The following FHAD1 variants were observed in gnomAD, a reference collection of about 807,000 sequenced individuals.
FHAD1 encodes forkhead associated phosphopeptide binding domain 1.
A neutral mutation model predicts 191.3 loss-of-function variants in FHAD1; 146 were observed. The ratio of observed to expected loss-of-function variants is 0.76; its 90% CI spans 0.67 to 0.88. FHAD1 has a LOEUF of 0.88. Among genes scored for constraint, FHAD1 ranks in the 40% least tolerant of loss-of-function variants. The probability of loss-of-function intolerance (pLI) is 0.00; values close to 1 mark genes in which losing one functional copy is unlikely to be tolerated. For synonymous variants in FHAD1, 616 were observed against 672.3 expected, an observed-to-expected ratio of 0.92 and a Z score of 1.29; for missense variants, 1,635 against 1,785.8, an observed-to-expected ratio of 0.92 and a Z score of 1.52.
chr1:15,299,622 G>A (rs978285736), intron 5 of FHAD1, among the ~76,000 whole-genome samples: 2 of 152,196 alleles, frequency 1.3e-5, no homozygotes, highest in Non-Finnish European at 2.9e-5. Flanking sequence ...GGAAGGGTCA[G>A]GGGTGCTCCC....
At chr1:15,344,100 CCAGA>C (rs1687897168) in intron 16 of FHAD1, among the ~76,000 whole-genome samples, 1 of 145,338 alleles carries the variant, frequency 6.9e-6, no homozygotes, top group South Asian at 2.1e-4. Context: ...CAGGTCCCTG[CCAGA>C]CAGACTGTGA....
intron 10 of FHAD1, 43 bp from the exon 11 acceptor site, chr1:15,324,409 T>G (rs546478660): frequency 2.1e-6 from 3 of 1,436,588 alleles, no homozygotes; most frequent in African/African-American, 1.4e-5. Flanking sequence ...GAGTGCATTA[T>G]GATCACATTA....
At position 15,381,135 on chromosome 1, in the gene FHAD1, A is replaced by C. The variant is rs1397469082; in HGVS notation, c.3802-96A>C. ...GCATGTGCGTGTTCTCTGCAATTGC[A>C]GAAAGTGAATGAAACAGAATTAGAC... On this transcript the variant is annotated intron_variant, in intron 29 of 33. Transcript: ENST00000688493. The surrounding 1 kb of genome is among the most constrained non-coding windows in gnomAD (Gnocchi z 4.6). The C allele has an allele frequency of 1.2e-6, 1 of 820,848 alleles. No homozygotes were observed. The highest frequency in any genetic ancestry group is 1.7e-5 in the African/African-American group (1 of 57,878). The allele number at this position is 820,848 out of a possible 1,614,324, so 50.8% of individuals were successfully genotyped here.
chr1:15,365,045 G>A (rs917477783), intron 23 of FHAD1, among the ~76,000 whole-genome samples: 1 of 152,196 alleles, frequency 6.6e-6, no homozygotes, highest in Non-Finnish European at 1.5e-5. Flanking sequence ...CTGGCTCCCA[G>A]AAGAACACCA....
intron 14 of FHAD1, among the ~76,000 whole-genome samples, chr1:15,333,752 C>T (rs1169354851): frequency 2.0e-5 from 3 of 151,218 alleles, no homozygotes; most frequent in Non-Finnish European, 2.9e-5. Context: ...CGGTGTTTCA[C>T]ACGCATTGTG....
At chr1:15,351,643 T>A (rs1049857117) in intron 19 of FHAD1, among the ~76,000 whole-genome samples, 3 of 152,188 alleles carry the variant, frequency 2.0e-5, no homozygotes, top group African/African-American at 7.2e-5. Context: ...AGTATTTTCA[T>A]TTGTAACACA....
chr1:15,333,824 CTTTTTTTTTT>C (rs55698715), intron 14 of FHAD1, among the ~76,000 whole-genome samples: 1 of 64,812 alleles, frequency 1.5e-5, no homozygotes, highest in East Asian at 5.7e-4. Flanking sequence ...TTTTATTTAT[CTTTTTTTTTT>C]TTTTTTTTTT....
At chr1:15,261,593 G>A (rs759743510) in intron 2 of FHAD1, among the ~76,000 whole-genome samples, 4 of 152,072 alleles carry the variant, frequency 2.6e-5, no homozygotes, top group Non-Finnish European at 5.9e-5. Context: ...GCGTCTTCTC[G>A]GGGACTTGCC....
chr1:15,349,814 G>A (rs927320664), intron 19 of FHAD1, among the ~76,000 whole-genome samples: 1 of 152,180 alleles, frequency 6.6e-6, no homozygotes, highest in African/African-American at 2.4e-5. Context: ...GGAGGGGTCA[G>A]AGCTGGAGAC....
chr1:15,331,353 A>G (rs1290352143), intron 14 of FHAD1, among the ~76,000 whole-genome samples: 2 of 151,128 alleles, frequency 1.3e-5, no homozygotes, highest in Non-Finnish European at 2.9e-5. Flanking sequence ...GATGGAAGGA[A>G]GTGCAGATGG....
At chr1:15,300,021 C>A (rs74435779) in intron 5 of FHAD1, among the ~76,000 whole-genome samples, 1 of 152,218 alleles carries the variant, frequency 6.6e-6, no homozygotes, top group Admixed American at 6.5e-5. Flanking sequence ...ACTGCCCACC[C>A]GCTTCCTTCC....
At chr1:15,379,538 T>C (rs1195353556) in intron 28 of FHAD1, among the ~76,000 whole-genome samples, 1 of 152,206 alleles carries the variant, frequency 6.6e-6, no homozygotes, top group Non-Finnish European at 1.5e-5. Flanking sequence ...CTTCCTCTTA[T>C]ACTAATCCTC....
chr1:15,367,594 G>T lies in FHAD1; in HGVS notation c.3286G>T (p.Glu1096Ter), dbSNP rs1168097845. ...MSSLVEKKDRELKALEEALRA... is the reference protein window; with the variant it reads ...MSSLVEKKDR ...CAGCCTGGTAGAAAAGAAAGATCGG[G>T]AGCTGAAGGCCCTTGAGGAGGCACT... The change falls in exon 25 of 34, where the codon GAG (glutamate) becomes TAG (stop). Residue 1096 changes from glutamate (E) to a stop codon, truncating the protein, a stop_gained. Coordinates refer to ENST00000688493, the MANE Select transcript of FHAD1 (RefSeq NM_001391957.1). LOFTEE classifies it high-confidence loss of function. 6.7e-6 allele frequency: 10 copies of T among 1,499,872 alleles called. No individual in the cohort carries two copies. The highest frequency in any genetic ancestry group is 9.0e-6 in the Non-Finnish European group (10 of 1,116,316). The allele number at this position is 1,499,872 out of a possible 1,614,324, so 92.9% of individuals were successfully genotyped here.
At chr1:15,370,952 C>T (rs949819628) in intron 26 of FHAD1, among the ~76,000 whole-genome samples, 4 of 152,180 alleles carry the variant, frequency 2.6e-5, no homozygotes, top group Admixed American at 6.5e-5. Flanking sequence ...GAGCCAGGGC[C>T]GCAAACAGCT....
chr1:15,353,722 A>AAG (rs1553295549), intron 20 of FHAD1, among the ~76,000 whole-genome samples: 21 of 146,386 alleles, frequency 1.4e-4, no homozygotes, highest in African/African-American at 5.6e-4. Context: ...AAAAAAAAAA[A>AAG]AAAAGAAAAG....
At chr1:15,310,245 A>G (rs1433506891) in intron 7 of FHAD1, among the ~76,000 whole-genome samples, 1 of 152,194 alleles carries the variant, frequency 6.6e-6, no homozygotes. Flanking sequence ...TGAGTCAGAC[A>G]CAATCGCTGT....
At chr1:15,296,536 A>G in intron 4 of FHAD1, 148 bp from the exon 5 acceptor site, 2 of 773,340 alleles carry the variant, frequency 2.6e-6, no homozygotes, top group Non-Finnish European at 4.4e-6. Flanking sequence ...TACAGGCGTG[A>G]GCCACAGCGC....
Position 15,358,270 on chromosome 1 carries a change from C to T in FHAD1, c.2723C>T (p.Thr908Ile). Residue 908 changes from threonine (T) to isoleucine (I), a missense_variant, in exon 21 of 34, where the codon ACC (threonine) becomes ATC (isoleucine). Thr to Ile is a moderately conservative substitution (Grantham distance 89, BLOSUM62 -1). Transcript: ENST00000688493. ...GAAACATTAGCCGAACTGGAAACTA[C>T]CAAGACAAAAATGGTAAGTCGGTGC... ...LNETLAELET[T>I]KTKMIMVEER... The T allele has an allele frequency of 6.5e-7, 1 of 1,528,196 alleles. No individual in the cohort carries two copies. The highest frequency in any genetic ancestry group is 8.8e-7 in the Non-Finnish European group (1 of 1,141,754). 94.7% of individuals were successfully genotyped at this position (1,528,196 alleles called of 1,614,324 possible). A position where few individuals can be genotyped will look rare whatever the true frequency, so the allele number is the denominator to read the frequency against.
chr1:15,352,221 CG>C (rs1691151150), intron 19 of FHAD1, among the ~76,000 whole-genome samples: 1 of 151,980 alleles, frequency 6.6e-6, no homozygotes. Flanking sequence ...TATGTTGGTG[CG>C]GGGGAGGTGT....
Sources: gnomAD v4.1 joint callset for allele counts (sites outside exome capture counted in the v4.1 genomes callset) on GRCh38, gnomAD v4.1.1 for gene constraint, Gnocchi (gnomAD v3.1) non-coding constraint, MANE v1.5 for transcripts, NCBI Gene and HGNC (gene_info 2026-07-23, HGNC 2026-07-21) for gene names.